The following MUC13 variants were observed in gnomAD, a reference collection of about 807,000 sequenced individuals.
MUC13 encodes the protein mucin-13.
Under a neutral mutation model 48.3 loss-of-function variants are expected in MUC13, and 32 were observed. The ratio of observed to expected loss-of-function variants is 0.66; its 90% CI spans 0.50 to 0.89. The LOEUF is 0.89. Ranked by LOEUF, MUC13 falls within the 40% of genes least tolerant of loss-of-function variation. The pLI is 0.00. For synonymous variants in MUC13, 199 were observed against 224.9 expected (o/e 0.88, Z 1.03); for missense variants, 571 against 622.8 (o/e 0.92, Z 0.88).
chr3:124,905,714 A>AGGCTGGAC lies in MUC13; in HGVS notation c.*1021_*1028dup, dbSNP rs1448908237. On this transcript the variant is annotated 3_prime_UTR_variant, in exon 12 of 12. Coordinates refer to ENST00000616727, the MANE Select transcript of MUC13 (RefSeq NM_033049.4). The stretch of plus-strand genomic sequence containing the variant: ...GCACACCTCAGAAACCTACACCCCG[A>AGGCTGGAC]GGCTGGACGGCTGGACTCCTGAGCA... 6.5e-6 allele frequency: 1 copy of AGGCTGGAC among 153,052 alleles called. No individual in the cohort carries two copies. Among genetic ancestry groups the AGGCTGGAC allele is most frequent in the Non-Finnish European group, 1.5e-5 (1 of 68,072 alleles). 9.5% of individuals were successfully genotyped at this position (153,052 alleles called of 1,614,324 possible).
intron 1 of MUC13, among the ~76,000 whole-genome samples, chr3:124,930,668 C>T (rs1935779091): frequency 6.6e-6 from 1 of 152,150 alleles, no homozygotes; most frequent in Non-Finnish European, 1.5e-5. Context: ...AAAATATATG[C>T]CCTGACCTGG....
rs1267457341 is a variant in MUC13 at position 124,913,041 on chromosome 3, G to A, written c.1214+70C>T. ...GCTTCCTGACTCAACACCTATATAC[G>A]TGTTGTAAGGTCTCTCTACTTTGCC... On this transcript the variant is annotated intron_variant, in intron 8 of 11. Coordinates refer to ENST00000616727, the MANE Select transcript of MUC13 (RefSeq NM_033049.4). 2.6e-5 allele frequency: 40 copies of A among 1,564,120 alleles called. No individual in the cohort carries two copies. In the East Asian group the frequency reaches 4.8e-4, roughly 19 times the overall value.
In MUC13 at chr3:124,913,146, G is replaced by A. The variant is rs769408038; in HGVS notation, c.1179C>T (p.Pro393=). ...TCCCATTAGCATCTTCCTGGTAGCCGGGCACGCACGCACACTCAGGGGCCC... is the reference window on the plus strand; with the variant it reads ...TCCCATTAGCATCTTCCTGGTAGCCAGGCACGCACGCACACTCAGGGGCCC... ...SGGAPECACV[P]GYQEDANGNC... The change falls in exon 8 of 12, where the codon CCC becomes CCT. Residue 393 remains proline (P), a synonymous_variant. Transcript: ENST00000616727. 1.4e-5 allele frequency: 23 copies of A among 1,613,568 alleles called. 1 individual carries two copies. Among genetic ancestry groups the A allele is most frequent in the Middle Eastern group, 1.6e-4 (1 of 6,080 alleles).
chr3:124,934,520 T>C (rs1398602122), intron 1 of MUC13, 141 bp downstream of exon 1: 1 of 616,666 alleles, frequency 1.6e-6, no homozygotes. Flanking sequence ...TCTGTGTCTT[T>C]GAGCTGAGCT....
intron 5 of MUC13, 106 bp from the exon 6 acceptor site, chr3:124,916,586 G>A: frequency 8.1e-7 from 1 of 1,236,854 alleles, no homozygotes; most frequent in Non-Finnish European, 1.1e-6. Flanking sequence ...CTGACCCGCT[G>A]TCCTGTCCCT....
chr3:124,909,462 C>G (rs559376688), intron 10 of MUC13, among the ~76,000 whole-genome samples: 35 of 147,700 alleles, frequency 2.4e-4, no homozygotes, highest in Non-Finnish European at 4.7e-4. Context: ...AATAGCCATG[C>G]AGAGATGACA....
chr3:124,913,023 G>T (rs1935450097), intron 8 of MUC13, 88 bp downstream of exon 8: 1 of 1,438,584 alleles, frequency 7.0e-7, no homozygotes, highest in South Asian at 1.5e-5. Flanking sequence ...CCAGCTTCCT[G>T]ACTCAACACC....
chr3:124,922,024 G>A (rs573523463), intron 4 of MUC13, among the ~76,000 whole-genome samples, 173 bp downstream of exon 4: 10 of 152,328 alleles, frequency 6.6e-5, no homozygotes, highest in East Asian at 1.9e-4. Flanking sequence ...TGGTGGCACC[G>A]GTGGAGGCGC....
intron 6 of MUC13, among the ~76,000 whole-genome samples, chr3:124,915,699 C>T (rs764653839): frequency 7.2e-5 from 11 of 152,096 alleles, no homozygotes; most frequent in South Asian, 4.1e-4. Context: ...GAAAATAGTA[C>T]GGGTAATGCT....
intron 2 of MUC13, among the ~76,000 whole-genome samples, chr3:124,925,077 C>A (rs1305532889): frequency 1.3e-5 from 2 of 152,140 alleles, no homozygotes; most frequent in Non-Finnish European, 2.9e-5. Flanking sequence ...TGGAAGCAAC[C>A]AAGATACCGT....
chr3:124,917,501 C>G (rs1424968930), intron 5 of MUC13, among the ~76,000 whole-genome samples: 1 of 151,940 alleles, frequency 6.6e-6, no homozygotes, highest in Non-Finnish European at 1.5e-5. Flanking sequence ...CACGCGCCAC[C>G]GTGCCCAGCT....
At chr3:124,929,630 G>A (rs1935759147) in intron 1 of MUC13, among the ~76,000 whole-genome samples, 2 of 152,152 alleles carry the variant, frequency 1.3e-5, no homozygotes, top group South Asian at 2.1e-4. Flanking sequence ...AACTGGCAAT[G>A]TTGACTGCCA....
intron 6 of MUC13, among the ~76,000 whole-genome samples, chr3:124,914,213 C>G (rs956868703): frequency 6.6e-6 from 1 of 151,876 alleles, no homozygotes; most frequent in Non-Finnish European, 1.5e-5. Context: ...AGTTTGAGAC[C>G]AGCCTGACCA....
rs1935637408 is a variant in MUC13, at chr3:124,923,516, T to G, written c.637+11A>C. The G allele has an allele frequency of 6.2e-7, 1 of 1,612,506 alleles. No homozygotes were observed. Among genetic ancestry groups the G allele is most frequent in the Non-Finnish European group, 8.5e-7 (1 of 1,179,436 alleles). Reference sequence around the variant, plus strand: ...ACAGAGCTCAGCCATGGCTCATCCCTTGTAACTCACCTTTCTTACATGTAG... The same window carrying G: ...ACAGAGCTCAGCCATGGCTCATCCCGTGTAACTCACCTTTCTTACATGTAG... On this transcript the variant is annotated intron_variant, in intron 3 of 11. Coordinates refer to ENST00000616727, the MANE Select transcript of MUC13 (RefSeq NM_033049.4).
intron 10 of MUC13, among the ~76,000 whole-genome samples, chr3:124,909,970 T>C (rs760376214): frequency 3.9e-5 from 6 of 152,148 alleles, no homozygotes; most frequent in Non-Finnish European, 8.8e-5. Flanking sequence ...TAGAAATAAA[T>C]CTGGAAGGTT....
chr3:124,916,626 G>T, intron 5 of MUC13, 146 bp from the exon 6 acceptor site: 1 of 795,392 alleles, frequency 1.3e-6, no homozygotes, highest in Non-Finnish European at 2.0e-6. Context: ...GGAGGCCGGG[G>T]GCTGCAAAAA....
At chr3:124,924,349 G>T (rs1293508173) in intron 2 of MUC13, among the ~76,000 whole-genome samples, 3 of 152,196 alleles carry the variant, frequency 2.0e-5, no homozygotes, top group African/African-American at 7.2e-5. Flanking sequence ...CTTTCTCTGG[G>T]GAACTGATGA....
chr3:124,924,276 A>G (rs1246099671), intron 2 of MUC13, among the ~76,000 whole-genome samples: 1 of 152,194 alleles, frequency 6.6e-6, no homozygotes, highest in Non-Finnish European at 1.5e-5. Flanking sequence ...GGTGAAAATA[A>G]CACTGCAATG....
chr3:124,932,890 T>C (rs534245041), intron 1 of MUC13, among the ~76,000 whole-genome samples: 2 of 152,272 alleles, frequency 1.3e-5, no homozygotes, highest in South Asian at 2.1e-4. Flanking sequence ...TGAGCCTCAA[T>C]GATTCCTGAT....
Sources: gnomAD v4.1 joint callset for allele counts (sites outside exome capture counted in the v4.1 genomes callset) on GRCh38, gnomAD v4.1.1 for gene constraint, MANE v1.5 for transcripts, NCBI Gene and HGNC (gene_info 2026-07-23, HGNC 2026-07-21) for gene names.